ADGB: variants seen among roughly 807,000 people sequenced by gnomAD.
ADGB encodes the protein androglobin.
Under a neutral mutation model 210.5 loss-of-function variants are expected in ADGB, and 172 were observed. That is an observed-to-expected ratio of 0.82 (90% CI 0.72 to 0.93). The LOEUF is 0.93. ADGB is among the 40% of genes least tolerant of loss of function. The pLI, the probability that ADGB is intolerant of heterozygous loss-of-function variation, is 0.00. For missense variants in ADGB, 2,025 were observed against 1,964.8 expected (o/e 1.03, Z -0.58); for synonymous variants, 658 against 662.7 (o/e 0.99, Z 0.11).
intron 11 of ADGB, among the ~76,000 whole-genome samples, 151 bp downstream of exon 11, chr6:146,691,441 TA>T (rs1184013363): frequency 0.011 from 151 of 13,520 alleles, 15 homozygotes; most frequent in Middle Eastern, 0.095. Context: ...TATATATATA[TA>T]AAAATATATA....
At chr6:146,748,771 A>G (rs1312473732) in intron 26 of ADGB, among the ~76,000 whole-genome samples, 1 of 151,780 alleles carries the variant, frequency 6.6e-6, no homozygotes, top group Admixed American at 6.6e-5. Flanking sequence ...GTAGAGACAG[A>G]CTCTTGCTAT....
At chr6:146,608,631 C>A (rs186843997) in intron 1 of ADGB, among the ~76,000 whole-genome samples, 3 of 152,300 alleles carry the variant, frequency 2.0e-5, no homozygotes, top group African/African-American at 7.2e-5. Flanking sequence ...TCATTGCTTA[C>A]ACAAAAGTCA....
chr6:146,760,733 G>A (rs1396010236), intron 27 of ADGB, among the ~76,000 whole-genome samples: 2 of 151,756 alleles, frequency 1.3e-5, no homozygotes, highest in African/African-American at 4.8e-5. Flanking sequence ...AGGTATAAAT[G>A]TTCTGGTTTC....
chr6:146,622,210 G>A (rs926588287), intron 1 of ADGB, among the ~76,000 whole-genome samples: 1 of 152,020 alleles, frequency 6.6e-6, no homozygotes, highest in Non-Finnish European at 1.5e-5. Flanking sequence ...ACATTACCAG[G>A]AACTTAGTTA....
chr6:146,806,088 G>T (rs1315777868), intron 35 of ADGB, among the ~76,000 whole-genome samples: 1 of 152,126 alleles, frequency 6.6e-6, no homozygotes, highest in Non-Finnish European at 1.5e-5. Context: ...TTTACCATGT[G>T]GGAAATAATT....
intron 27 of ADGB, among the ~76,000 whole-genome samples, chr6:146,754,053 CATTT>C (rs1299978624): frequency 6.6e-6 from 1 of 151,310 alleles, no homozygotes; most frequent in African/African-American, 2.4e-5. Context: ...GAGAGACATT[CATTT>C]GTTTTTTCAC....
At chr6:146,704,429 A>T (rs1474290591) in intron 13 of ADGB, among the ~76,000 whole-genome samples, 1 of 151,960 alleles carries the variant, frequency 6.6e-6, no homozygotes, top group Non-Finnish European at 1.5e-5. Flanking sequence ...TAATAGTTTC[A>T]TACATTCAGC....
At position 146,764,009 on chromosome 6, in the gene ADGB, T is replaced by C; in HGVS notation, c.3659T>C (p.Val1220Ala). ...CAGAAATCCCCCAAGGGTAGAGCTG[T>C]AAGTGCAATACAAGACATTGGTCTA... ...GIQKSPKGRAVSAIQDIGLPL... is the reference protein window; with the variant it reads ...GIQKSPKGRAASAIQDIGLPL... The change falls in exon 28 of 36, where the codon GTA becomes GCA. Residue 1220 changes from valine (V) to alanine (A), a missense_variant. Val to Ala is a moderately conservative substitution (Grantham distance 64). Transcript: ENST00000397944. 6.4e-7 allele frequency: 1 copy of C among 1,551,468 alleles called. No individual in the cohort carries two copies. The highest frequency in any genetic ancestry group is 1.2e-5 in the South Asian group (1 of 84,056).
intron 11 of ADGB, 32 bp from the exon 12 acceptor site, chr6:146,692,793 G>T: frequency 1.7e-6 from 2 of 1,207,206 alleles, no homozygotes; most frequent in South Asian, 2.8e-5. Flanking sequence ...TTTTTTAAAT[G>T]TACATCATAC....
chr6:146,618,773 T>C (rs137946397), intron 1 of ADGB, among the ~76,000 whole-genome samples: 52 of 152,220 alleles, frequency 3.4e-4, no homozygotes, highest in African/African-American at 1.1e-3. Flanking sequence ...ACCTAACATA[T>C]GGTCTGTCCT....
At chr6:146,803,786 G>A (rs1778168754) in intron 35 of ADGB, 1 of 587,254 alleles carries the variant, frequency 1.7e-6, no homozygotes, top group South Asian at 2.2e-5. Flanking sequence ...GCGCCCGGCA[G>A]CCTAGAGCGT....
At chr6:146,782,491 G>A (rs1777816384) in intron 30 of ADGB, among the ~76,000 whole-genome samples, 1 of 152,188 alleles carries the variant, frequency 6.6e-6, no homozygotes, top group Non-Finnish European at 1.5e-5. Context: ...AATAATGGAG[G>A]AGACTGAAGG....
intron 1 of ADGB, among the ~76,000 whole-genome samples, chr6:146,620,279 T>C (rs1467299083): frequency 6.6e-6 from 1 of 152,156 alleles, no homozygotes; most frequent in Non-Finnish European, 1.5e-5. Flanking sequence ...TGATTGGTTA[T>C]GTCTGAGCGT....
chr6:146,780,716 AAAG>A (rs1777786031), intron 29 of ADGB, among the ~76,000 whole-genome samples: 2 of 152,222 alleles, frequency 1.3e-5, no homozygotes, highest in African/African-American at 2.4e-5. Flanking sequence ...GACAGAATTG[AAAG>A]AAGAAATAGA....
chr6:146,777,065 G>A (rs182447308), intron 29 of ADGB, among the ~76,000 whole-genome samples: 2 of 151,958 alleles, frequency 1.3e-5, no homozygotes, highest in Admixed American at 1.3e-4. Flanking sequence ...GTCTGGTAGG[G>A]TGGTTTGTCC....
chr6:146,649,884 A>C (rs1468024827), intron 3 of ADGB, among the ~76,000 whole-genome samples: 2 of 152,146 alleles, frequency 1.3e-5, no homozygotes, highest in Non-Finnish European at 2.9e-5. Context: ...ATACTCACTT[A>C]CTCATAAGCC....
intron 8 of ADGB, among the ~76,000 whole-genome samples, chr6:146,674,550 C>A (rs181599713): frequency 1.6e-4 from 25 of 152,102 alleles, no homozygotes; most frequent in African/African-American, 5.8e-4. Context: ...GGTGGGTAAA[C>A]GGGTTTGGTA....
At chr6:146,798,347 TA>T (rs1287752193) in intron 33 of ADGB, among the ~76,000 whole-genome samples, 1 of 152,120 alleles carries the variant, frequency 6.6e-6, no homozygotes, top group Admixed American at 6.6e-5. Context: ...CAAACATATA[TA>T]AAAATAATGC....
intron 1 of ADGB, among the ~76,000 whole-genome samples, chr6:146,607,104 G>C (rs548173330): frequency 3.1e-4 from 47 of 152,106 alleles, no homozygotes; most frequent in Non-Finnish European, 5.3e-4. Flanking sequence ...TTGATGTAAA[G>C]TTCTGTCATC....
Sources: gnomAD v4.1 joint callset for allele counts (sites outside exome capture counted in the v4.1 genomes callset) on GRCh38, gnomAD v4.1.1 for gene constraint, MANE v1.5 for transcripts, NCBI Gene and HGNC (gene_info 2026-07-23, HGNC 2026-07-21) for gene names.